PALM2AKAP2: variants seen among roughly 807,000 people sequenced by gnomAD.
The protein encoded by PALM2AKAP2 is PALM2 and AKAP2 fusion.
A neutral mutation model predicts 71.5 loss-of-function variants in PALM2AKAP2; 37 were observed. The observed-to-expected ratio is 0.52, with a 90% confidence interval of 0.40 to 0.68. PALM2AKAP2 has a LOEUF of 0.68. PALM2AKAP2 is among the 30% of genes least tolerant of loss of function. The pLI, the probability that PALM2AKAP2 is intolerant of heterozygous loss-of-function variation, is 0.00. For synonymous variants in PALM2AKAP2, 468 were observed against 478.8 expected (o/e 0.98, Z 0.29); for missense variants, 1,224 against 1,191.8 (o/e 1.03, Z -0.40).
At chr9:109,665,543 C>T (rs1442790277) in intron 1 of PALM2AKAP2, among the ~76,000 whole-genome samples, 1 of 152,168 alleles carries the variant, frequency 6.6e-6, no homozygotes, top group Non-Finnish European at 1.5e-5. Context: ...ATATTGCTGC[C>T]TGATCCTTCC....
intron 1 of PALM2AKAP2, among the ~76,000 whole-genome samples, chr9:109,687,529 C>T (rs1470053735): frequency 1.3e-5 from 2 of 152,194 alleles, no homozygotes; most frequent in Admixed American, 1.3e-4. Flanking sequence ...CAACCTTTTT[C>T]CTGCAGCTTC....
Position 109,689,211 on chromosome 9 carries a change from T to C in PALM2AKAP2, c.5+48345T>C, listed in dbSNP as rs200666441. Among the ~76,000 whole-genome samples, 34 of 150,322 alleles carry C rather than the reference T, an allele frequency of 2.3e-4. No homozygotes were observed. In the East Asian group the frequency reaches 6.2e-3, roughly 27 times the overall value. ...TTCTTTTTTCTTTTCTTTTTTTTTTTTTTTTTTTTTAGATGGAGTCTGGCT... is the reference window on the plus strand; with the variant it reads ...TTCTTTTTTCTTTTCTTTTTTTTTTCTTTTTTTTTTAGATGGAGTCTGGCT... On this transcript the variant is annotated intron_variant, in intron 1 of 6. Coordinates refer to the PALM2AKAP2 transcript ENST00000374531.
chr9:109,832,839 C>T (rs970454167), intron 1 of PALM2AKAP2, among the ~76,000 whole-genome samples: 5 of 152,188 alleles, frequency 3.3e-5, no homozygotes, highest in Non-Finnish European at 4.4e-5. Flanking sequence ...GAGCCCCACC[C>T]TCAGAGAGGC....
chr9:109,984,696 C>CT (rs35425431), intron 6 of PALM2AKAP2, among the ~76,000 whole-genome samples: 3,986 of 136,720 alleles, frequency 0.029, 184 homozygotes, highest in African/African-American at 0.094. Context: ...AGCTCTATAA[C>CT]TTTTTTTTTT....
intron 1 of PALM2AKAP2, among the ~76,000 whole-genome samples, chr9:110,074,176 T>C (rs1370450073): frequency 6.6e-6 from 1 of 152,172 alleles, no homozygotes; most frequent in Non-Finnish European, 1.5e-5. Context: ...ACAAAATAAC[T>C]TGTCTATAAT....
upstream of PALM2AKAP2, among the ~76,000 whole-genome samples, chr9:109,775,818 G>A (rs764957718): frequency 1.7e-4 from 26 of 152,288 alleles, no homozygotes; most frequent in Non-Finnish European, 2.8e-4. Context: ...GGCTATGATC[G>A]TTTGTGATTC....
exon 2 of PALM2AKAP2, chr9:110,138,036 A>G (rs1189438299): frequency 1.2e-6 from 2 of 1,613,790 alleles, no homozygotes; most frequent in Non-Finnish European, 1.7e-6. Context: ...GGAGCAGAGC[A>G]ACAGGGACCT....
At chr9:109,785,667 G>A (rs768355882) in intron 1 of PALM2AKAP2, among the ~76,000 whole-genome samples, 3 of 152,188 alleles carry the variant, frequency 2.0e-5, no homozygotes, top group African/African-American at 4.8e-5. Flanking sequence ...ATCAGATCTC[G>A]TGAGACTGAT....
chr9:110,027,194 A>T (rs1004662382), intron 7 of PALM2AKAP2, among the ~76,000 whole-genome samples: 1 of 152,298 alleles, frequency 6.6e-6, no homozygotes. Flanking sequence ...TCATACTGGA[A>T]ATGTCTTGGC....
chr9:109,758,131 T>C (rs1327439419), intron 1 of PALM2AKAP2, among the ~76,000 whole-genome samples: 2 of 152,236 alleles, frequency 1.3e-5, no homozygotes, highest in East Asian at 3.9e-4. Context: ...TACTGCACAC[T>C]ATTCTGCATT....
chr9:109,777,991 C>A (rs1461963173), upstream of PALM2AKAP2, among the ~76,000 whole-genome samples: 2 of 152,156 alleles, frequency 1.3e-5, no homozygotes, highest in African/African-American at 4.8e-5. Context: ...CAAAGGGTGC[C>A]CAGGCCCTTT....
intron 3 of PALM2AKAP2, among the ~76,000 whole-genome samples, chr9:109,902,630 G>A (rs1736388828): frequency 6.6e-6 from 1 of 152,202 alleles, no homozygotes; most frequent in African/African-American, 2.4e-5. Flanking sequence ...GTTGAAAGGT[G>A]GAATGCATTG....
intron 5 of PALM2AKAP2, among the ~76,000 whole-genome samples, chr9:109,926,761 G>A (rs1830967116): frequency 6.6e-6 from 1 of 152,082 alleles, no homozygotes; most frequent in African/African-American, 2.4e-5. Context: ...GGAAGGGAAA[G>A]ACCCTGTATG....
chr9:110,164,925 C>T (rs760971642), intron 3 of PALM2AKAP2, among the ~76,000 whole-genome samples: 71 of 152,196 alleles, frequency 4.7e-4, no homozygotes, highest in Non-Finnish European at 8.2e-4. Context: ...TCCTTCTGGA[C>T]TCCTTACAGC....
At chr9:109,908,091 C>G (rs1830488776) in intron 3 of PALM2AKAP2, among the ~76,000 whole-genome samples, 1 of 152,198 alleles carries the variant, frequency 6.6e-6, no homozygotes, top group African/African-American at 2.4e-5. Flanking sequence ...TGATTGAGCA[C>G]AGGCTGTGTG....
chr9:110,109,995 G>A (rs1835209500), intron 1 of PALM2AKAP2, among the ~76,000 whole-genome samples: 1 of 152,114 alleles, frequency 6.6e-6, no homozygotes, highest in South Asian at 2.1e-4. Flanking sequence ...CAATTATGCA[G>A]CAGGACTAAA....
intron 7 of PALM2AKAP2, among the ~76,000 whole-genome samples, chr9:110,028,633 G>C (rs1382117778): frequency 2.0e-5 from 3 of 152,122 alleles, no homozygotes; most frequent in Non-Finnish European, 4.4e-5. Context: ...TCTCTGTTTG[G>C]GTTTTAATAA....
intron 1 of PALM2AKAP2, among the ~76,000 whole-genome samples, chr9:109,709,820 T>G (rs1828204763): frequency 6.6e-6 from 1 of 152,160 alleles, no homozygotes; most frequent in Non-Finnish European, 1.5e-5. Flanking sequence ...TTCCTTCAGG[T>G]GTATACAACC....
At chr9:110,108,122 T>TC (rs1234836756) in intron 1 of PALM2AKAP2, among the ~76,000 whole-genome samples, 2 of 150,900 alleles carry the variant, frequency 1.3e-5, no homozygotes, top group Non-Finnish European at 3.0e-5. Flanking sequence ...TTTTTTCTTT[T>TC]TTTTTTTTTT....
Sources: gnomAD v4.1 joint callset for allele counts (sites outside exome capture counted in the v4.1 genomes callset) on GRCh38, gnomAD v4.1.1 for gene constraint, MANE v1.5 for transcripts, NCBI Gene and HGNC (gene_info 2026-07-23, HGNC 2026-07-21) for gene names.